The following TMEM67 variants were observed in gnomAD, a reference collection of about 807,000 sequenced individuals.
TMEM67 encodes transmembrane protein 67, also known as meckelin.
In TMEM67, 124 loss-of-function variants were observed where a neutral mutation model predicts 136.6. That is an observed-to-expected ratio of 0.91 (90% CI 0.78 to 1.05). TMEM67 has a LOEUF of 1.05. Among genes scored for constraint, TMEM67 ranks in the 50% least tolerant of loss-of-function variants. The pLI, the probability that TMEM67 is intolerant of heterozygous loss-of-function variation, is 0.00. For synonymous variants in TMEM67, 364 were observed against 390.5 expected, an observed-to-expected ratio of 0.93 and a Z score of 0.80; for missense variants, 1,107 against 1,178.4, an observed-to-expected ratio of 0.94 and a Z score of 0.89.
At position 93,817,161 on chromosome 8, in the gene TMEM67, A is replaced by G. The variant is rs1312275522; in HGVS notation, c.*709A>G. ...GACATTTTTCCCAATATCATTTTTT[A>G]TACATTTTAATTACTTAATGTTTTA... On this transcript the variant is annotated 3_prime_UTR_variant, in exon 28 of 28. Coordinates refer to ENST00000453321, the MANE Select transcript of TMEM67 (RefSeq NM_153704.6). 1 of 152,228 alleles carries G rather than the reference A, an allele frequency of 6.6e-6. No homozygotes were observed. Among genetic ancestry groups the G allele is most frequent in the Non-Finnish European group, 1.5e-5 (1 of 68,044 alleles). 9.4% of individuals were successfully genotyped at this position (152,228 alleles called of 1,614,324 possible). A position where few individuals can be genotyped will look rare whatever the true frequency, so the allele number is the denominator to read the frequency against.
chr8:93,759,503 C>T (rs1202903985), intron 3 of TMEM67: 1 of 147,818 alleles, frequency 6.8e-6, no homozygotes, highest in Non-Finnish European at 1.5e-5. Context: ...TCATTGTTTA[C>T]AGATGATTTG....
intron 14 of TMEM67, among the ~76,000 whole-genome samples, chr8:93,788,582 G>C (rs1814228576): frequency 6.6e-6 from 1 of 152,058 alleles, no homozygotes; most frequent in Non-Finnish European, 1.5e-5. Context: ...AATAAATAAA[G>C]ATTTTGTGTC....
Position 93,754,971 on chromosome 8 carries a change from C to T in TMEM67, c.57C>T (p.Ala19=). 1 of 1,614,192 alleles carries T rather than the reference C, an allele frequency of 6.2e-7. No homozygotes were observed. Among genetic ancestry groups the T allele is most frequent in the Non-Finnish European group, 8.5e-7 (1 of 1,180,030 alleles). Residue 19 remains alanine (A), a synonymous_variant, in exon 1 of 28, where the codon GCC becomes GCT. Coordinates refer to ENST00000453321, the MANE Select transcript of TMEM67 (RefSeq NM_153704.6). ...VAMAVWSLLS[A]RAVTAFLLLF... is the part of the protein sequence containing the mutation. ...TGGCGGTTTGGTCCCTCTTATCCGC[C>T]CGGGCCGTGACCGCGTTCCTTCTGT...
chr8:93,800,534 T>C (rs746141528), intron 21 of TMEM67, among the ~76,000 whole-genome samples: 1 of 152,176 alleles, frequency 6.6e-6, no homozygotes, highest in Non-Finnish European at 1.5e-5. Flanking sequence ...TGTAATTGCT[T>C]TATACCTAAT....
In TMEM67 at chr8:93,816,643, AT is replaced by A; in HGVS notation, c.*193del. 1 of 441,696 alleles carries A rather than the reference AT, an allele frequency of 2.3e-6. No individual in the cohort carries two copies. The highest frequency in any genetic ancestry group is 4.1e-6 in the Non-Finnish European group (1 of 241,766). The allele number at this position is 441,696 out of a possible 1,614,324, so 27.4% of individuals were successfully genotyped here. A position where few individuals can be genotyped will look rare whatever the true frequency, so the allele number is the denominator to read the frequency against. On this transcript the variant is annotated 3_prime_UTR_variant, in exon 28 of 28. Coordinates refer to ENST00000453321, the MANE Select transcript of TMEM67 (RefSeq NM_153704.6). Reference sequence around the variant, plus strand: ...ATATAATAGAAAATACTGTTTTCCCATTGTGTGTAGTATTTAATGCAGTAAA... The same window carrying A: ...ATATAATAGAAAATACTGTTTTCCCATGTGTGTAGTATTTAATGCAGTAAA...
chr8:93,800,902 G>A (rs993666941), intron 21 of TMEM67, among the ~76,000 whole-genome samples: 2 of 150,720 alleles, frequency 1.3e-5, no homozygotes, highest in Admixed American at 6.7e-5. Flanking sequence ...CAGATTGCTC[G>A]TACCCCTTGT....
intron 23 of TMEM67, among the ~76,000 whole-genome samples, chr8:93,808,600 C>A: frequency 3.5e-5 from 1 of 28,512 alleles, no homozygotes; most frequent in Non-Finnish European, 9.5e-5. Flanking sequence ...TTAAGTAGAG[C>A]AAAGGAGATG....
intron 6 of TMEM67, among the ~76,000 whole-genome samples, chr8:93,771,686 G>T (rs1219809784): frequency 3.3e-5 from 5 of 152,160 alleles, no homozygotes; most frequent in African/African-American, 1.2e-4. Flanking sequence ...AAAGTATCAT[G>T]TAACTTTCAC....
rs1814466283 is a variant in TMEM67, at chr8:93,793,263, G to A, written c.1641G>A (p.Lys547=). The change falls in exon 16 of 28, where the codon AAG becomes AAA. Residue 547 remains lysine (K), a synonymous_variant. Transcript: ENST00000453321. ...CTCTTTTGAAGACAGCAGGATGGAA[G>A]AGGCGCATTGGGAGTCCCATGATTG... The part of the protein sequence containing the change: ...LASLLKTAGW[K]RRIGSPMIDL... 8.1e-6 allele frequency: 13 copies of A among 1,614,022 alleles called. No individual in the cohort carries two copies. Among genetic ancestry groups the A allele is most frequent in the Non-Finnish European group, 1.1e-5 (13 of 1,179,986 alleles).
At chr8:93,800,780 T>G (rs997326382) in intron 21 of TMEM67, among the ~76,000 whole-genome samples, 1 of 152,268 alleles carries the variant, frequency 6.6e-6, no homozygotes, top group Middle Eastern at 3.4e-3. Flanking sequence ...TAGGACAGAC[T>G]CTTTGTTTAG....
At chr8:93,813,220 C>T (rs1282515403) in intron 26 of TMEM67, among the ~76,000 whole-genome samples, 1 of 152,020 alleles carries the variant, frequency 6.6e-6, no homozygotes, top group Non-Finnish European at 1.5e-5. Flanking sequence ...GCTCTGTTGT[C>T]TAGGCTGGAG....
In TMEM67 at chr8:93,809,126, A is replaced by G; in HGVS notation, c.2626A>G (p.Met876Val). Residue 876 changes from methionine (M) to valine (V), a missense_variant, in exon 25 of 28, where the codon ATG (methionine) becomes GTG (valine). This residue lies in a region of TMEM67 where 925 missense variants were observed against 1,002.4 expected (regional missense o/e 0.92). Coordinates refer to ENST00000453321, the MANE Select transcript of TMEM67 (RefSeq NM_153704.6). The stretch of plus-strand genomic sequence containing the variant: ...TGAGCAGAGTATAAAAGCATATCAT[A>G]TGATGAATAAATTTCTTGGCTCCTT... ...TFEQSIKAYHMMNKFLGSFID... is the reference protein window; with the variant it reads ...TFEQSIKAYHVMNKFLGSFID... 1 of 1,608,302 alleles carries G rather than the reference A, an allele frequency of 6.2e-7. No individual in the cohort carries two copies. Among genetic ancestry groups the G allele is most frequent in the Non-Finnish European group, 8.5e-7 (1 of 1,175,346 alleles).
chr8:93,797,379 C>T lies in TMEM67; in HGVS notation c.2009C>T (p.Thr670Ile), dbSNP rs370004832. The change falls in exon 20 of 28, where the codon ACA (threonine) becomes ATA (isoleucine). Residue 670 changes from threonine to isoleucine, a missense_variant. Around this residue, in one of 3 missense-constraint regions of TMEM67, gnomAD observed 925 missense variants for 1,002.4 expected, o/e 0.92. Coordinates refer to ENST00000453321, the MANE Select transcript of TMEM67 (RefSeq NM_153704.6). ...ACTGTTCCTGTAAGCATATGGAGAA[C>T]ATATTTTGTAGCAAATGAATGGAAT... ...SATVPVSIWR[T>I]YFVANEWNEI... 1.3e-4 allele frequency: 209 copies of T among 1,614,020 alleles called. No individual in the cohort carries two copies. The highest frequency in any genetic ancestry group is 1.2e-3 in the Middle Eastern group (7 of 6,060).
chr8:93,787,716 T>A (rs1814174152), intron 13 of TMEM67, 128 bp from the exon 14 acceptor site: 1 of 745,816 alleles, frequency 1.3e-6, no homozygotes, highest in Non-Finnish European at 2.4e-6. Flanking sequence ...CCTTCCTTAG[T>A]CCTTGTTAAC....
chr8:93,761,174 C>A (rs1441097371), intron 3 of TMEM67, among the ~76,000 whole-genome samples: 2 of 152,144 alleles, frequency 1.3e-5, no homozygotes, highest in African/African-American at 4.8e-5. Flanking sequence ...TGGCACATGC[C>A]TGTAATCCCA....
chr8:93,772,787 C>CAGCCCACAAGAAAGAG, intron 7 of TMEM67, 136 bp downstream of exon 7: 1 of 645,142 alleles, frequency 1.6e-6, no homozygotes, highest in Non-Finnish European at 2.7e-6. Flanking sequence ...TAAACTCTTT[C>CAGCCCACAAGAAAGAG]TTGTGGGCTG....
At chr8:93,768,875 A>G (rs891608270) in intron 6 of TMEM67, among the ~76,000 whole-genome samples, 2 of 152,090 alleles carry the variant, frequency 1.3e-5, no homozygotes, top group Admixed American at 6.6e-5. Flanking sequence ...ATAGGTGGGT[A>G]GGGAGGAACT....
In TMEM67 at chr8:93,808,846, T is replaced by C. The variant is rs764125982; in HGVS notation, c.2446T>C (p.Leu816=). The change falls in exon 24 of 28, where the codon TTG becomes CTG. Residue 816 remains leucine (L), a synonymous_variant. Transcript: ENST00000453321. ...NMNLKREAEN[L]CSQRGLVPNT... ...AAATTCTTTAACTTTTCAGGAAAATTTGTGTAGCCAGAGAGGTTTGGTACC... is the reference window on the plus strand; with the variant it reads ...AAATTCTTTAACTTTTCAGGAAAATCTGTGTAGCCAGAGAGGTTTGGTACC... 1.2e-5 allele frequency: 20 copies of C among 1,604,734 alleles called. No individual in the cohort carries two copies. The highest frequency in any genetic ancestry group is 2.2e-5 in the East Asian group (1 of 44,718).
At chr8:93,795,787 C>A in intron 17 of TMEM67, 114 bp from the exon 18 acceptor site, 3 of 783,642 alleles carry the variant, frequency 3.8e-6, no homozygotes, top group Admixed American at 2.4e-5. Context: ...CCTGCCCGGG[C>A]AGCATACTGA....
Sources: gnomAD v4.1 joint callset for allele counts (sites outside exome capture counted in the v4.1 genomes callset) on GRCh38, gnomAD v4.1.1 for gene constraint, gnomAD v4.1.1 regional missense constraint, MANE v1.5 for transcripts, NCBI Gene and HGNC (gene_info 2026-07-23, HGNC 2026-07-21) for gene names.